The following NUP153 variants were observed in gnomAD, a reference collection of about 807,000 sequenced individuals.
NUP153 encodes the protein nuclear pore complex protein Nup153.
Under a neutral mutation model 134.6 loss-of-function variants are expected in NUP153, and 27 were observed. That is an observed-to-expected ratio of 0.20 (90% CI 0.15 to 0.28). NUP153 has a LOEUF of 0.28. Ranked by LOEUF, NUP153 falls within the 10% of genes least tolerant of loss-of-function variation. The probability of loss-of-function intolerance (pLI) is 1.00; values close to 1 mark genes in which losing one functional copy is unlikely to be tolerated. For synonymous variants in NUP153, 640 were observed against 623.5 expected (o/e 1.03, Z -0.40); for missense variants, 1,821 against 1,731.3 (o/e 1.05, Z -0.92).
intron 11 of NUP153, among the ~76,000 whole-genome samples, chr6:17,660,656 A>G (rs79237983): frequency 0.012 from 1,829 of 152,182 alleles, 16 homozygotes; most frequent in Middle Eastern, 0.031. Context: ...AGAAAACTCA[A>G]ATGTCCAAAA....
At chr6:17,671,889 T>A (rs1767935455) in intron 5 of NUP153, among the ~76,000 whole-genome samples, 1 of 152,152 alleles carries the variant, frequency 6.6e-6, no homozygotes, top group Non-Finnish European at 1.5e-5. Flanking sequence ...GTGCCTGTAG[T>A]CCCAGCTACT....
chr6:17,692,895 T>C (rs781038628), intron 1 of NUP153, among the ~76,000 whole-genome samples: 2 of 152,116 alleles, frequency 1.3e-5, no homozygotes, highest in Non-Finnish European at 2.9e-5. Context: ...ATGAATAAAA[T>C]TGTGCATTCT....
chr6:17,666,975 T>C (rs183707948), intron 8 of NUP153, among the ~76,000 whole-genome samples: 1 of 152,362 alleles, frequency 6.6e-6, no homozygotes, highest in Admixed American at 6.5e-5. Context: ...ACTGTTCTGA[T>C]AACATCTGTG....
At chr6:17,696,197 C>T (rs1415702384) in intron 1 of NUP153, among the ~76,000 whole-genome samples, 1 of 152,120 alleles carries the variant, frequency 6.6e-6, no homozygotes, top group Admixed American at 6.6e-5. Flanking sequence ...GGAGAGGTAC[C>T]TCCTTGACTG....
At chr6:17,627,731 A>T (rs759453309) in intron 18 of NUP153, among the ~76,000 whole-genome samples, 1 of 152,196 alleles carries the variant, frequency 6.6e-6, no homozygotes, top group Non-Finnish European at 1.5e-5. Context: ...CTTTAAGGGC[A>T]CTGTTGTTTT....
intron 20 of NUP153, among the ~76,000 whole-genome samples, chr6:17,623,886 A>C (rs1379939282): frequency 6.6e-6 from 1 of 152,188 alleles, no homozygotes; most frequent in Non-Finnish European, 1.5e-5. Flanking sequence ...CATAAAAGAC[A>C]AGGCGGTGGT....
intron 1 of NUP153, among the ~76,000 whole-genome samples, chr6:17,692,693 G>A (rs1769358444): frequency 6.6e-6 from 1 of 152,134 alleles, no homozygotes; most frequent in South Asian, 2.1e-4. Flanking sequence ...ATAATTGAGT[G>A]GTCCTCAAAG....
Position 17,639,951 on chromosome 6 carries a change from G to C in NUP153, c.1834C>G (p.Leu612Val). 6.2e-7 allele frequency: 1 copy of C among 1,604,116 alleles called. No homozygotes were observed. The highest frequency in any genetic ancestry group is 2.2e-5 in the East Asian group (1 of 44,718). Residue 612 changes from leucine (L) to valine (V), a missense_variant, in exon 15 of 22, where the codon CTG (leucine) becomes GTG (valine). By Grantham distance (32) the Leu-to-Val change is conservative. Coordinates refer to ENST00000262077, the MANE Select transcript of NUP153 (RefSeq NM_005124.4). ...TTAATTATCTTACCAGGGCTTTTCA[G>C]AATATCTAGAACACTTCCTTCTTTC... is the stretch of plus-strand genomic sequence containing the variant. ...ILKEGSVLDI[L>V]KSPGFASPKI...
chr6:17,639,920 T>A lies in NUP153; in HGVS notation c.1846+19A>T. 1 of 1,586,996 alleles carries A rather than the reference T, an allele frequency of 6.3e-7. No individual in the cohort carries two copies. Among genetic ancestry groups the A allele is most frequent in the Non-Finnish European group, 8.5e-7 (1 of 1,170,006 alleles). On this transcript the variant is annotated intron_variant, in intron 15 of 21. Coordinates refer to ENST00000262077, the MANE Select transcript of NUP153 (RefSeq NM_005124.4). ...ATCATGAGTTTGTAATCAAAAGGCT[T>A]ATCTTTTAATTATCTTACCAGGGCT...
intron 8 of NUP153, 150 bp from the exon 9 acceptor site, chr6:17,665,535 A>G (rs1296606774): frequency 4.9e-6 from 3 of 613,266 alleles, no homozygotes; most frequent in Non-Finnish European, 8.4e-6. Flanking sequence ...GGAAAAACTG[A>G]TAATAATGGA....
At chr6:17,654,226 A>G (rs932157198) in intron 11 of NUP153, among the ~76,000 whole-genome samples, 3 of 152,122 alleles carry the variant, frequency 2.0e-5, no homozygotes, top group Non-Finnish European at 2.9e-5. Context: ...CCAGCGTAGA[A>G]CCCTAAAAAC....
Position 17,680,879 on chromosome 6 carries a change from A to G in NUP153, c.335-5109T>C, listed in dbSNP as rs1221208049. Among the ~76,000 whole-genome samples, 1 of 152,246 alleles carries G rather than the reference A, an allele frequency of 6.6e-6. No individual in the cohort carries two copies. Among genetic ancestry groups the G allele is most frequent in the Non-Finnish European group, 1.5e-5 (1 of 68,042 alleles). On this transcript the variant is annotated intron_variant, in intron 2 of 21. Transcript: ENST00000262077. This position sits in a 1 kb window ranked among gnomAD's most constrained non-coding sequence, Gnocchi z 4.5. ...GAGAACATCATTGAGGTTTCTCACA[A>G]AAACTAAAAGTAGAACCACAATATG...
chr6:17,706,602 C>A lies in NUP153; in HGVS notation c.-215G>T. 3.5e-6 allele frequency: 2 copies of A among 578,214 alleles called. No individual in the cohort carries two copies. The highest frequency in any genetic ancestry group is 6.1e-6 in the Non-Finnish European group (2 of 328,146). 35.8% of individuals were successfully genotyped at this position (578,214 alleles called of 1,614,324 possible). ...GCAGCGGGGAAGGGGGTGGCGGCCG[C>A]AGAGGCCGAGGAGGCTCCGGTCCGG... On this transcript the variant is annotated 5_prime_UTR_variant, in exon 1 of 22. Transcript: ENST00000262077. This position sits in a 1 kb window ranked among gnomAD's most constrained non-coding sequence, Gnocchi z 5.9.
rs983926592 is a variant in NUP153 at position 17,650,654 on chromosome 6, T to C, written c.1396-1354A>G. Among the ~76,000 whole-genome samples the C allele has an allele frequency of 2.2e-4, 31 of 138,840 alleles. 1 individual carries two copies. Among genetic ancestry groups the C allele is most frequent in the African/African-American group, 6.2e-4 (25 of 40,016 alleles). The allele number at this position is 138,840 out of a possible 152,430, so 91.1% of individuals were successfully genotyped here. On this transcript the variant is annotated intron_variant, in intron 11 of 21. Coordinates refer to ENST00000262077, the MANE Select transcript of NUP153 (RefSeq NM_005124.4). ...AGATAAAACAAAGAATCTACTTCTA[T>C]AAAACCTGCTCTACAAGTTCTTCAT...
intron 7 of NUP153, 49 bp downstream of exon 7, chr6:17,669,244 A>G (rs910030169): frequency 1.3e-6 from 2 of 1,523,852 alleles, no homozygotes; most frequent in Non-Finnish European, 1.8e-6. Context: ...ACACCCGGCT[A>G]ATTTTTGTAT....
At chr6:17,681,906 G>A (rs934705161) in intron 2 of NUP153, among the ~76,000 whole-genome samples, 1 of 151,844 alleles carries the variant, frequency 6.6e-6, no homozygotes, top group Non-Finnish European at 1.5e-5. Context: ...AACCAAAGAG[G>A]AAAAAGAAAT....
chr6:17,706,144 C>T lies in NUP153; in HGVS notation c.111+133G>A, dbSNP rs1175930464. On this transcript the variant is annotated intron_variant, in intron 1 of 21. Coordinates refer to ENST00000262077, the MANE Select transcript of NUP153 (RefSeq NM_005124.4). This position sits in a 1 kb window ranked among gnomAD's most constrained non-coding sequence, Gnocchi z 5.9. ...CGCCACCCCCAACGGCCTGAGCTCC[C>T]CCGGAGCCTCACTCGGGCCTTTCCT... 8 of 718,062 alleles carry T rather than the reference C, an allele frequency of 1.1e-5. No individual in the cohort carries two copies. The highest frequency in any genetic ancestry group is 1.7e-5 in the Non-Finnish European group (7 of 423,548). The allele number at this position is 718,062 out of a possible 1,614,324, so 44.5% of individuals were successfully genotyped here. A position where few individuals can be genotyped will look rare whatever the true frequency, so the allele number is the denominator to read the frequency against.
At position 17,616,640 on chromosome 6, in the gene NUP153, A is replaced by G. The variant is rs1331779821; in HGVS notation, c.4230T>C (p.Ser1410=). Reference sequence around the variant, plus strand: ...CACCAAATGTGAACACTCCTGATGGACTGTTGTTTGTGAAGTTGAAATTTG... The same window carrying G: ...CACCAAATGTGAACACTCCTGATGGGCTGTTGTTTGTGAAGTTGAAATTTG... ...STTNFNFTNN[S]PSGVFTFGAN... The change falls in exon 21 of 22, where the codon AGT becomes AGC. Residue 1410 remains serine, a synonymous_variant. Coordinates refer to ENST00000262077, the MANE Select transcript of NUP153 (RefSeq NM_005124.4). 6.2e-7 allele frequency: 1 copy of G among 1,613,880 alleles called. No individual in the cohort carries two copies. The highest frequency in any genetic ancestry group is 8.5e-7 in the Non-Finnish European group (1 of 1,179,816).
chr6:17,702,298 G>GA (rs1581790833), intron 1 of NUP153, among the ~76,000 whole-genome samples: 1 of 152,102 alleles, frequency 6.6e-6, no homozygotes, highest in East Asian at 1.9e-4. Flanking sequence ...ACAAGGTCAG[G>GA]AGATCGAGAA....
Sources: allele counts gnomAD v4.1 joint callset (sites outside exome capture counted in the v4.1 genomes callset), GRCh38; gene constraint gnomAD v4.1.1; non-coding constraint Gnocchi (gnomAD v3.1); transcripts MANE v1.5; gene names NCBI Gene and HGNC (gene_info 2026-07-23, HGNC 2026-07-21).